Variants in SCN9A observed in about 807,000 individuals in gnomAD.
SCN9A encodes the protein sodium voltage-gated channel alpha subunit 9.
Under a neutral mutation model 187.0 loss-of-function variants are expected in SCN9A, and 131 were observed. That is an observed-to-expected ratio of 0.70 (90% CI 0.61 to 0.81). The LOEUF is 0.81. Ranked by LOEUF, SCN9A falls within the 30% of genes least tolerant of loss-of-function variation. The pLI is 0.00. For synonymous variants in SCN9A, 809 were observed against 808.6 expected, an observed-to-expected ratio of 1.00 and a Z score of -0.01; for missense variants, 2,252 against 2,396.6, an observed-to-expected ratio of 0.94 and a Z score of 1.26.
intron 20 of SCN9A, among the ~76,000 whole-genome samples, chr2:166,236,995 C>G (rs994105554): frequency 6.6e-6 from 1 of 152,036 alleles, no homozygotes; most frequent in Non-Finnish European, 1.5e-5. Context: ...GAAAACAAAT[C>G]TCTAAAAACT....
chr2:166,353,664 G>T (rs1435496879), intron 1 of SCN9A, among the ~76,000 whole-genome samples: 1 of 152,100 alleles, frequency 6.6e-6, no homozygotes, highest in African/African-American at 2.4e-5. Context: ...TGTATGAAAA[G>T]ATCTGACTTC....
chr2:166,358,740 A>T (rs908955127), intron 1 of SCN9A, among the ~76,000 whole-genome samples: 5 of 152,196 alleles, frequency 3.3e-5, no homozygotes, highest in African/African-American at 1.2e-4. Flanking sequence ...TACTTCAAGT[A>T]CTTCATAAGT....
In SCN9A at chr2:166,202,200, A is replaced by G. The variant is rs55929553; in HGVS notation, c.4774+1755T>C. 6.1e-3 allele frequency among the ~76,000 whole-genome samples: 866 copies of G among 141,696 alleles called. 10 individuals carry two copies. The highest frequency in any genetic ancestry group is 0.021 in the African/African-American group (825 of 39,100). The allele number at this position is 141,696 out of a possible 152,430, so 93.0% of individuals were successfully genotyped here. A position where few individuals can be genotyped will look rare whatever the true frequency, so the allele number is the denominator to read the frequency against. On this transcript the variant is annotated intron_variant, in intron 26 of 26. Coordinates refer to ENST00000642356, the MANE Select transcript of SCN9A (RefSeq NM_001365536.1). Reference sequence around the variant, plus strand: ...TTTTTTGTGCAGTCATTTCTTCTTCATTTTTTTTTTTGGCTTTACAAATTT... The same window carrying G: ...TTTTTTGTGCAGTCATTTCTTCTTCGTTTTTTTTTTTGGCTTTACAAATTT...
chr2:166,306,733 G>T (rs1000306917), intron 3 of SCN9A, 134 bp from the exon 4 acceptor site: 1 of 718,844 alleles, frequency 1.4e-6, no homozygotes, highest in Non-Finnish European at 2.4e-6. Context: ...TTGTCTCTTT[G>T]AACAAGAGAG....
chr2:166,357,783 C>T (rs1017421301), intron 1 of SCN9A, among the ~76,000 whole-genome samples: 2 of 152,110 alleles, frequency 1.3e-5, no homozygotes, highest in African/African-American at 4.8e-5. Flanking sequence ...CTTTGGCCAT[C>T]GAATAAAGCT....
chr2:166,243,736 T>A (rs2155879), intron 18 of SCN9A, among the ~76,000 whole-genome samples: 20,611 of 151,720 alleles, frequency 0.14, 1,781 homozygotes, highest in East Asian at 0.34. Flanking sequence ...CCTTAAGGAG[T>A]TTGGCTTATA....
At chr2:166,260,219 A>C (rs1385558104) in intron 17 of SCN9A, among the ~76,000 whole-genome samples, 1 of 151,930 alleles carries the variant, frequency 6.6e-6, no homozygotes, top group Non-Finnish European at 1.5e-5. Flanking sequence ...GGTCAACAAA[A>C]TGACTACATT....
At chr2:166,269,224 G>A (rs995316493) in intron 17 of SCN9A, among the ~76,000 whole-genome samples, 6 of 151,876 alleles carry the variant, frequency 4.0e-5, no homozygotes, top group African/African-American at 1.4e-4. Context: ...GCTTTCGGAA[G>A]GGCTCATGGA....
At position 166,278,115 on chromosome 2, in the gene SCN9A, A is replaced by G. The variant is rs776792687; in HGVS notation, c.2517+25T>C. ...GAAATACCCCTTTATTATAGAATATAATGGCAACCTTAGTTTATGTTTACC... is the reference window on the plus strand; with the variant it reads ...GAAATACCCCTTTATTATAGAATATGATGGCAACCTTAGTTTATGTTTACC... On this transcript the variant is annotated intron_variant, in intron 15 of 26. Coordinates refer to ENST00000642356, the MANE Select transcript of SCN9A (RefSeq NM_001365536.1). The G allele has an allele frequency of 2.5e-6, 4 of 1,593,266 alleles. No individual in the cohort carries two copies. In the South Asian group the frequency reaches 4.6e-5, roughly 18 times the overall value.
intron 11 of SCN9A, among the ~76,000 whole-genome samples, chr2:166,285,767 A>G (rs1697710598): frequency 6.6e-6 from 1 of 152,186 alleles, no homozygotes; most frequent in Non-Finnish European, 1.5e-5. Context: ...CAGAATTATA[A>G]GCAGGGAGGC....
intron 24 of SCN9A, among the ~76,000 whole-genome samples, chr2:166,211,580 A>C (rs1215194481): frequency 6.6e-6 from 1 of 151,970 alleles, no homozygotes; most frequent in Non-Finnish European, 1.5e-5. Context: ...AGAATAACTA[A>C]AATTACAAAA....
At chr2:166,297,556 G>A (rs1052927643) in intron 7 of SCN9A, among the ~76,000 whole-genome samples, 3 of 151,990 alleles carry the variant, frequency 2.0e-5, no homozygotes, top group African/African-American at 7.3e-5. Flanking sequence ...AATCTACAGA[G>A]TGGGTAAATC....
intron 17 of SCN9A, 88 bp from the exon 18 acceptor site, chr2:166,251,973 T>A (rs1278631096): frequency 1.4e-6 from 2 of 1,435,664 alleles, no homozygotes; most frequent in Admixed American, 3.9e-5. Context: ...ATCAGACTCA[T>A]GCAAAGTATT....
intron 24 of SCN9A, among the ~76,000 whole-genome samples, chr2:166,224,948 G>C (rs1694782642): frequency 6.6e-6 from 1 of 152,078 alleles, no homozygotes; most frequent in Admixed American, 6.5e-5. Context: ...AATTATGTTA[G>C]AAGTATTTTA....
At chr2:166,201,206 C>CTA (rs1012394190) in intron 26 of SCN9A, among the ~76,000 whole-genome samples, 28 of 140,490 alleles carry the variant, frequency 2.0e-4, no homozygotes, top group Non-Finnish European at 3.3e-4. Context: ...TACACACATA[C>CTA]TATATATATA....
chr2:166,218,197 T>G (rs2106369999), intron 24 of SCN9A, among the ~76,000 whole-genome samples: 1 of 142,226 alleles, frequency 7.0e-6, no homozygotes, highest in Non-Finnish European at 1.5e-5. Context: ...AAGGACGTTA[T>G]GCTAAGCAAA....
intron 1 of SCN9A, among the ~76,000 whole-genome samples, chr2:166,335,822 T>C (rs1375862978): frequency 1.3e-5 from 2 of 152,170 alleles, no homozygotes; most frequent in Non-Finnish European, 2.9e-5. Context: ...GATTACCTGT[T>C]CACAACTTGA....
intron 1 of SCN9A, among the ~76,000 whole-genome samples, chr2:166,320,165 G>C (rs1574922443): frequency 6.6e-6 from 1 of 151,970 alleles, no homozygotes; most frequent in Admixed American, 6.6e-5. Context: ...TAAAAAAGCG[G>C]GAAGTGATTA....
chr2:166,347,080 T>C (rs935336326), intron 1 of SCN9A, among the ~76,000 whole-genome samples: 1 of 152,188 alleles, frequency 6.6e-6, no homozygotes, highest in African/African-American at 2.4e-5. Flanking sequence ...TTTAAAATAT[T>C]TTTAGTTATT....
Sources: gnomAD v4.1 joint callset for allele counts (sites outside exome capture counted in the v4.1 genomes callset) on GRCh38, gnomAD v4.1.1 for gene constraint, MANE v1.5 for transcripts, NCBI Gene and HGNC (gene_info 2026-07-23, HGNC 2026-07-21) for gene names.